Variants in CUL9 observed in about 807,000 individuals in gnomAD.
CUL9 encodes cullin-9.
CUL9 carries 79 observed loss-of-function variants against 272.6 expected under a neutral mutation model. That is an observed-to-expected ratio of 0.29 (90% confidence interval 0.24 to 0.35). CUL9 has a LOEUF of 0.35. CUL9 is among the 10% of genes least tolerant of loss of function. CUL9 has a pLI of 1.00. For missense variants in CUL9, 2,532 were observed against 3,255.6 expected, an observed-to-expected ratio of 0.78 and a Z score of 5.41; for synonymous variants, 1,186 against 1,286.5, an observed-to-expected ratio of 0.92 and a Z score of 1.67.
intron 37 of CUL9, 36 bp downstream of exon 37, chr6:43,222,677 T>C (rs755058132): frequency 3.1e-6 from 5 of 1,606,194 alleles, no homozygotes; most frequent in Non-Finnish European, 3.4e-6. Flanking sequence ...AGGGGAGGGG[T>C]GTGCCAAATG....
Position 43,198,634 on chromosome 6 carries a change from T to C in CUL9, c.2829T>C (p.Gly943=), listed in dbSNP as rs1271593410. 1 of 1,614,170 alleles carries C rather than the reference T, an allele frequency of 6.2e-7. No homozygotes were observed. Among genetic ancestry groups the C allele is most frequent in the South Asian group, 1.1e-5 (1 of 91,084 alleles). ...CACTAGAGACCCCCATCATCCAGGG[T>C]CAGGATGGGTCCCCTGAGCTACTGA... The part of the protein sequence containing the change: ...RAALETPIIQ[G]QDGSPELLIR... The change falls in exon 12 of 41, where the codon GGT becomes GGC. Residue 943 remains glycine (G), a synonymous_variant. Transcript: ENST00000252050.
At position 43,196,628 on chromosome 6, in the gene CUL9, C is replaced by T. The variant is rs373129814; in HGVS notation, c.2586-17C>T. ...CATGGTCTCTCAGTTTCTTCCTGGT[C>T]ACCTCCCTCCTCCCAGGTGCTCTTC... On this transcript the variant is annotated splice_polypyrimidine_tract_variant and intron_variant, in intron 10 of 40. Transcript: ENST00000252050. 1.6e-5 allele frequency: 25 copies of T among 1,603,310 alleles called. No homozygotes were observed. The highest frequency in any genetic ancestry group is 2.1e-5 in the Non-Finnish European group (24 of 1,170,326).
In CUL9 at chr6:43,198,780, C is replaced by T. The variant is rs554948980; in HGVS notation, c.2975C>T (p.Thr992Ile). 4.3e-5 allele frequency: 70 copies of T among 1,614,024 alleles called. No homozygotes were observed. In the South Asian group the frequency reaches 7.6e-4, roughly 17 times the overall value. Residue 992 changes from threonine to isoleucine, a missense_variant, in exon 12 of 41, where the codon ACC becomes ATC. Thr to Ile is a moderately conservative substitution (Grantham distance 89, BLOSUM62 -1). Around this residue, in one of 3 missense-constraint regions of CUL9, gnomAD observed 2,218 missense variants for 2,788.6 expected, o/e 0.80. Coordinates refer to ENST00000252050, the MANE Select transcript of CUL9 (RefSeq NM_015089.4). ...RPLLKRLQQETQPFLLLLRTL... is the reference protein window; with the variant it reads ...RPLLKRLQQEIQPFLLLLRTL... Reference sequence around the variant, plus strand: ...CTCCTCAAGCGCCTCCAGCAGGAGACCCAGCCTTTCCTCCTGTTGCTGCGG... The same window carrying T: ...CTCCTCAAGCGCCTCCAGCAGGAGATCCAGCCTTTCCTCCTGTTGCTGCGG...
intron 29 of CUL9, among the ~76,000 whole-genome samples, 193 bp downstream of exon 29, chr6:43,214,105 G>A (rs1406828177): frequency 1.3e-5 from 2 of 152,214 alleles, no homozygotes; most frequent in African/African-American, 2.4e-5. Context: ...CAGGCCCTAT[G>A]CTAAGAGTTT....
In CUL9 at chr6:43,193,107, G is replaced by A. The variant is rs900733968; in HGVS notation, c.2287G>A (p.Glu763Lys). Reference protein sequence around the residue: ...RLLYLLMTKHEWRPLFAREGG... With the variant: ...RLLYLLMTKHKWRPLFAREGG... ...CCTTTACCTGCTCATGACCAAGCAC[G>A]AGTGGCGGCCGCTCTTTGCCAGGGA... is the stretch of plus-strand genomic sequence containing the variant. Residue 763 changes from glutamate to lysine, a missense_variant, in exon 9 of 41, where the codon GAG becomes AAG. Glu to Lys is a moderately conservative substitution (Grantham distance 56, BLOSUM62 1). Around this residue, in one of 3 missense-constraint regions of CUL9, gnomAD observed 2,218 missense variants for 2,788.6 expected, o/e 0.80. Transcript: ENST00000252050. The A allele has an allele frequency of 1.2e-5, 19 of 1,614,214 alleles. No homozygotes were observed. Among genetic ancestry groups the A allele is most frequent in the Non-Finnish European group, 1.5e-5 (18 of 1,180,040 alleles).
At chr6:43,189,463 C>T (rs951162240) in intron 8 of CUL9, among the ~76,000 whole-genome samples, 3 of 152,064 alleles carry the variant, frequency 2.0e-5, no homozygotes, top group South Asian at 2.1e-4. Context: ...GGATTGCAGG[C>T]GTGAGCCACC....
Position 43,187,658 on chromosome 6 carries a change from C to T in CUL9, c.1582-55C>T, listed in dbSNP as rs1582290230. On this transcript the variant is annotated intron_variant, in intron 6 of 40. Transcript: ENST00000252050. ...GAGTGATCACCCTTCCCATTACTGA[C>T]CCCAAGACCTTTGTGTCTGCTTGTC... The T allele has an allele frequency of 2.6e-6, 4 of 1,567,990 alleles. No individual in the cohort carries two copies. In the East Asian group the frequency reaches 9.0e-5, roughly 35 times the overall value.
intron 30 of CUL9, 132 bp downstream of exon 30, chr6:43,215,458 AC>A (rs1646858924): frequency 7.4e-7 from 1 of 1,343,962 alleles, no homozygotes. Context: ...TATTTCCCTG[AC>A]TTTGGTAGTT....
chr6:43,211,811 A>C (rs982790685), intron 26 of CUL9, among the ~76,000 whole-genome samples: 1 of 152,218 alleles, frequency 6.6e-6, no homozygotes, highest in Non-Finnish European at 1.5e-5. Flanking sequence ...TTTAAAAAAA[A>C]AGGATACTAC....
At position 43,200,331 on chromosome 6, in the gene CUL9, T is replaced by G; in HGVS notation, c.3385-105T>G. ...TGTCAAAATGTGGGGAGAGAGGAGTTGAGTATACCGTTGACCCTTGACTTT... is the reference window on the plus strand; with the variant it reads ...TGTCAAAATGTGGGGAGAGAGGAGTGGAGTATACCGTTGACCCTTGACTTT... On this transcript the variant is annotated intron_variant, in intron 14 of 40. Transcript: ENST00000252050. This position sits in a 1 kb window ranked among gnomAD's most constrained non-coding sequence, Gnocchi z 4.0. The G allele has an allele frequency of 1.5e-5, 23 of 1,576,272 alleles. No individual in the cohort carries two copies. Among genetic ancestry groups the G allele is most frequent in the Non-Finnish European group, 1.7e-5 (19 of 1,150,332 alleles).
chr6:43,203,621 G>A lies in CUL9; in HGVS notation c.4025+29G>A, dbSNP rs1386712100. ...GGTGGGGCCTGAGGAGGGAAGATGG[G>A]TAAGGGAACAGGACACTGTGAGAAG... On this transcript the variant is annotated intron_variant, in intron 19 of 40. Transcript: ENST00000252050. This position sits in a 1 kb window ranked among gnomAD's most constrained non-coding sequence, Gnocchi z 5.0. 6.2e-7 allele frequency: 1 copy of A among 1,606,836 alleles called. No homozygotes were observed. The highest frequency in any genetic ancestry group is 8.5e-7 in the Non-Finnish European group (1 of 1,177,130).
chr6:43,192,059 CTTT>C (rs777284621), intron 8 of CUL9, among the ~76,000 whole-genome samples: 5 of 118,604 alleles, frequency 4.2e-5, no homozygotes, highest in Admixed American at 9.0e-5. Flanking sequence ...CCCCTTTTCT[CTTT>C]TTTTTTTTTT....
At chr6:43,183,828 C>T (rs1244031624) in intron 1 of CUL9, among the ~76,000 whole-genome samples, 1 of 152,032 alleles carries the variant, frequency 6.6e-6, no homozygotes, top group Non-Finnish European at 1.5e-5. Flanking sequence ...TCTTGGCTCA[C>T]TGCAACCTCC....
intron 38 of CUL9, 57 bp downstream of exon 38, chr6:43,222,953 C>A (rs1776494136): frequency 7.0e-7 from 1 of 1,435,756 alleles, no homozygotes; most frequent in Non-Finnish European, 9.8e-7. Flanking sequence ...TGTTGCACAG[C>A]CCGGCCCCTC....
At chr6:43,209,935 C>T (rs553629314) in intron 26 of CUL9, among the ~76,000 whole-genome samples, 1 of 152,122 alleles carries the variant, frequency 6.6e-6, no homozygotes, top group African/African-American at 2.4e-5. Context: ...CATGAGCCAC[C>T]GCATCCGGAC....
chr6:43,215,815 C>T (rs1775891052), intron 30 of CUL9, among the ~76,000 whole-genome samples: 1 of 152,246 alleles, frequency 6.6e-6, no homozygotes, highest in African/African-American at 2.4e-5. Flanking sequence ...ACAGACCACA[C>T]TTGAGCAGTA....
chr6:43,199,909 C>T lies in CUL9; in HGVS notation c.3157-20C>T, dbSNP rs1251917295. 2 of 1,585,882 alleles carry T rather than the reference C, an allele frequency of 1.3e-6. No individual in the cohort carries two copies. Among genetic ancestry groups the T allele is most frequent in the East Asian group, 4.5e-5 (2 of 44,668 alleles). On this transcript the variant is annotated intron_variant, in intron 13 of 40. Coordinates refer to ENST00000252050, the MANE Select transcript of CUL9 (RefSeq NM_015089.4). This position sits in a 1 kb window ranked among gnomAD's most constrained non-coding sequence, Gnocchi z 4.4. ...TACCTCTTGTTTCCTGTAAATTAAT[C>T]TATGTGGCTCTGGGCTCAGATTGTT...
In CUL9 at chr6:43,200,946, C is replaced by G. The variant is rs1413455223; in HGVS notation, c.3647+112C>G. On this transcript the variant is annotated intron_variant, in intron 16 of 40. Coordinates refer to ENST00000252050, the MANE Select transcript of CUL9 (RefSeq NM_015089.4). The surrounding 1 kb of genome is among the most constrained non-coding windows in gnomAD (Gnocchi z 4.0). The stretch of plus-strand genomic sequence containing the variant: ...CAATGCCTGAGGGACACACTCAAAC[C>G]TATTTTGTGCAGTGAACACATAGAC... 1.5e-6 allele frequency: 2 copies of G among 1,365,776 alleles called. No individual in the cohort carries two copies. The highest frequency in any genetic ancestry group is 2.9e-5 in the African/African-American group (2 of 70,120). 84.6% of individuals were successfully genotyped at this position (1,365,776 alleles called of 1,614,324 possible).
In CUL9 at chr6:43,205,243, G is replaced by T; in HGVS notation, c.4633-20G>T. 1 of 1,610,774 alleles carries T rather than the reference G, an allele frequency of 6.2e-7. No individual in the cohort carries two copies. Among genetic ancestry groups the T allele is most frequent in the Non-Finnish European group, 8.5e-7 (1 of 1,177,228 alleles). On this transcript the variant is annotated intron_variant, in intron 23 of 40. Coordinates refer to ENST00000252050, the MANE Select transcript of CUL9 (RefSeq NM_015089.4). ...ACTCCCTCATTCATGGTTTGCTCAT[G>T]CCCTTTCCCCTGCCCCCAGATGAGT...
Sources: allele counts gnomAD v4.1 joint callset (sites outside exome capture counted in the v4.1 genomes callset), GRCh38; gene constraint gnomAD v4.1.1; regional missense constraint gnomAD v4.1.1; non-coding constraint Gnocchi (gnomAD v3.1); transcripts MANE v1.5; gene names NCBI Gene and HGNC (gene_info 2026-07-23, HGNC 2026-07-21).